The following ZDHHC4 variants were observed in gnomAD, a reference collection of about 807,000 sequenced individuals.
ZDHHC4 encodes palmitoyltransferase ZDHHC4.
Under a neutral mutation model 36.7 loss-of-function variants are expected in ZDHHC4, and 42 were observed. The observed-to-expected ratio is 1.14, with a 90% confidence interval of 0.89 to 1.48. The LOEUF is 1.48. Ranked by LOEUF, ZDHHC4 falls within the 40% of genes most tolerant of loss-of-function variation. ZDHHC4 has a pLI of 0.00. For synonymous variants in ZDHHC4, 189 were observed against 166.6 expected, an observed-to-expected ratio of 1.13 and a Z score of -1.03; for missense variants, 457 against 421.5, an observed-to-expected ratio of 1.08 and a Z score of -0.74.
chr7:6,587,196 C>T lies in ZDHHC4; in HGVS notation c.742-1421C>T, dbSNP rs564400032. Among the ~76,000 whole-genome samples, 16 of 152,176 alleles carry T rather than the reference C, an allele frequency of 1.1e-4. No individual in the cohort carries two copies. In the South Asian group the frequency reaches 1.2e-3, roughly 12 times the overall value. On this transcript the variant is annotated intron_variant, in intron 7 of 7. Coordinates refer to ENST00000335965, the MANE Select transcript of ZDHHC4 (RefSeq NM_001134389.2). ...TGCTGGGATTACAGGTGTGAGCCAC[C>T]ATGACTGGCCCAGAATCACTTTTGA...
intron 6 of ZDHHC4, chr7:6,583,788 A>T (rs1781036313): frequency 5.8e-6 from 1 of 173,526 alleles, no homozygotes; most frequent in African/African-American, 2.4e-5. Flanking sequence ...TAACAAAAAT[A>T]GAATGTGGCT....
intron 2 of ZDHHC4, among the ~76,000 whole-genome samples, chr7:6,579,886 A>G (rs2115152123): frequency 6.6e-6 from 1 of 152,240 alleles, no homozygotes; most frequent in South Asian, 2.1e-4. Context: ...CTGTACTCCC[A>G]GCACTTTGGG....
intron 2 of ZDHHC4, 28 bp from the exon 3 acceptor site, chr7:6,580,527 T>C (rs776251488): frequency 1.9e-6 from 3 of 1,578,938 alleles, no homozygotes; most frequent in Non-Finnish European, 1.7e-6. Flanking sequence ...CAGTAGCAGA[T>C]AGTCACACTC....
At chr7:6,584,978 A>G (rs549431599) in intron 6 of ZDHHC4, 38 bp from the exon 7 acceptor site, 10 of 1,610,188 alleles carry the variant, frequency 6.2e-6, no homozygotes, top group Non-Finnish European at 8.5e-6. Flanking sequence ...TGTCTCGTCA[A>G]GCACCATCCC....
Position 6,588,928 on chromosome 7 carries a change from T to C in ZDHHC4, c.*18T>C. The C allele has an allele frequency of 6.3e-7, 1 of 1,593,308 alleles. No individual in the cohort carries two copies. Among genetic ancestry groups the C allele is most frequent in the Non-Finnish European group, 8.6e-7 (1 of 1,163,660 alleles). Reference sequence around the variant, plus strand: ...AAGAATGACAAGTGTATGACTGCCTTTGAGCTGTAGTTCCCGTTTATTTAC... The same window carrying C: ...AAGAATGACAAGTGTATGACTGCCTCTGAGCTGTAGTTCCCGTTTATTTAC... On this transcript the variant is annotated 3_prime_UTR_variant, in exon 8 of 8. Transcript: ENST00000335965.
chr7:6,583,605 CTTGTG>C, intron 6 of ZDHHC4, 174 bp downstream of exon 6: 1 of 870,280 alleles, frequency 1.1e-6, no homozygotes, highest in Non-Finnish European at 1.7e-6. Context: ...AGGGTCAGGT[CTTGTG>C]TTCCTGTGTA....
Position 6,580,024 on chromosome 7 carries a change from A to G in ZDHHC4, c.-7-531A>G, listed in dbSNP as rs551623135. Among the ~76,000 whole-genome samples, 6 of 152,054 alleles carry G rather than the reference A, an allele frequency of 3.9e-5. No homozygotes were observed. The South Asian group carries it at 1.0e-3, about 26-fold the overall frequency. ...GGGGTGCGTGCCTATAATCCCAGCT[A>G]CTCAGGAGGCTGAGGCAGGAGAATT... On this transcript the variant is annotated intron_variant, in intron 2 of 7. Transcript: ENST00000335965.
chr7:6,578,007 A>G (rs1780559012), intron 1 of ZDHHC4, among the ~76,000 whole-genome samples: 1 of 151,768 alleles, frequency 6.6e-6, no homozygotes, highest in Non-Finnish European at 1.5e-5. Context: ...TTTTTTTTGT[A>G]TTTAGTAGAG....
At chr7:6,582,794 G>A (rs1204332423) in intron 5 of ZDHHC4, among the ~76,000 whole-genome samples, 1 of 152,136 alleles carries the variant, frequency 6.6e-6, no homozygotes, top group Non-Finnish European at 1.5e-5. Flanking sequence ...GAGACTACAG[G>A]CGTGAGCCAC....
chr7:6,586,599 C>T (rs1022418785), intron 7 of ZDHHC4, among the ~76,000 whole-genome samples: 2 of 152,128 alleles, frequency 1.3e-5, no homozygotes, highest in African/African-American at 4.8e-5. Flanking sequence ...CCTCAGTCTC[C>T]CGTGTAGCTG....
chr7:6,586,333 C>G (rs1343037969), intron 7 of ZDHHC4, among the ~76,000 whole-genome samples: 3 of 152,210 alleles, frequency 2.0e-5, no homozygotes, highest in South Asian at 4.1e-4. Context: ...CAGGTAATCA[C>G]TAATCTACTT....
chr7:6,580,827 G>A (rs562476952), intron 3 of ZDHHC4, 149 bp downstream of exon 3: 3 of 726,430 alleles, frequency 4.1e-6, no homozygotes, highest in African/African-American at 3.5e-5. Context: ...TGAGGCAGGA[G>A]GATCCCTTGA....
chr7:6,580,808 T>C, intron 3 of ZDHHC4, 130 bp downstream of exon 3: 1 of 838,470 alleles, frequency 1.2e-6, no homozygotes, highest in Non-Finnish European at 1.9e-6. Context: ...ATCCCGCTAC[T>C]CAGGAAGCTG....
rs370270228 is a variant in ZDHHC4 at position 6,588,947 on chromosome 7, T to G, written c.*37T>G. 3.2e-6 allele frequency: 5 copies of G among 1,578,880 alleles called. No individual in the cohort carries two copies. The African/African-American group carries it at 6.8e-5, about 21-fold the overall frequency. ...CTGCCTTTGAGCTGTAGTTCCCGTT[T>G]ATTTACACATGTGGATCCTCGTTTT... On this transcript the variant is annotated 3_prime_UTR_variant, in exon 8 of 8. Coordinates refer to ENST00000335965, the MANE Select transcript of ZDHHC4 (RefSeq NM_001134389.2).
At chr7:6,578,093 G>A (rs1158071465) in intron 1 of ZDHHC4, among the ~76,000 whole-genome samples, 2 of 152,086 alleles carry the variant, frequency 1.3e-5, no homozygotes, top group African/African-American at 4.8e-5. Context: ...GCCTCCCAAA[G>A]TGCTGGGATT....
At chr7:6,584,575 G>A (rs950828875) in intron 6 of ZDHHC4, among the ~76,000 whole-genome samples, 1 of 152,118 alleles carries the variant, frequency 6.6e-6, no homozygotes. Context: ...GAATTCAAAG[G>A]AGTATTGTAG....
At position 6,585,187 on chromosome 7, in the gene ZDHHC4, C is replaced by G. The variant is rs778983445; in HGVS notation, c.668C>G (p.Ser223Ter). The change falls in exon 7 of 8, where the codon TCA (serine) becomes TGA (stop). Residue 223 changes from serine (S) to a stop codon, truncating the protein, a stop_gained. Coordinates refer to ENST00000335965, the MANE Select transcript of ZDHHC4 (RefSeq NM_001134389.2). LOFTEE classifies it high-confidence loss of function. ...TTTCTGGTCCACTTGGTGGTGATGT[C>G]AGATTTATACCAGGAGACTTACATC... ...TTFLVHLVVM[S>*]DLYQETYIDD... The G allele has an allele frequency of 1.2e-6, 2 of 1,614,164 alleles. No homozygotes were observed. The highest frequency in any genetic ancestry group is 1.7e-6 in the Non-Finnish European group (2 of 1,180,042).
rs766768566 is a variant in ZDHHC4 at position 6,580,587 on chromosome 7, T to G, written c.26T>G (p.Phe9Cys). ...ATGGACTTTCTGGTCCTCTTCTTGTTCTACCTGGCTTCGGTGCTGATGGGT... is the reference window on the plus strand; with the variant it reads ...ATGGACTTTCTGGTCCTCTTCTTGTGCTACCTGGCTTCGGTGCTGATGGGT... MDFLVLFL[F>C]YLASVLMGLV... The change falls in exon 3 of 8, where the codon TTC becomes TGC. Residue 9 changes from phenylalanine to cysteine, a missense_variant. Physicochemically the swap from Phe to Cys is radical, Grantham distance 205. Transcript: ENST00000335965. 6.2e-7 allele frequency: 1 copy of G among 1,614,072 alleles called. No homozygotes were observed. The highest frequency in any genetic ancestry group is 8.5e-7 in the Non-Finnish European group (1 of 1,180,052).
chr7:6,588,876 C>G lies in ZDHHC4; in HGVS notation c.1001C>G (p.Ala334Gly). The G allele has an allele frequency of 6.2e-7, 1 of 1,609,982 alleles. No homozygotes were observed. Among genetic ancestry groups the G allele is most frequent in the Non-Finnish European group, 8.5e-7 (1 of 1,176,464 alleles). ...RSNLQEIFLP[A>G]FPCHERKKQE is the part of the protein sequence containing the mutation. ...AACCTTCAAGAGATCTTTCTACCTG[C>G]CTTTCCATGTCATGAGAGGAAGAAA... is the stretch of plus-strand genomic sequence containing the variant. Residue 334 changes from alanine (A) to glycine (G), a missense_variant, in exon 8 of 8, where the codon GCC (alanine) becomes GGC (glycine). Transcript: ENST00000335965.
Sources: gnomAD v4.1 joint callset for allele counts (sites outside exome capture counted in the v4.1 genomes callset) on GRCh38, gnomAD v4.1.1 for gene constraint, MANE v1.5 for transcripts, NCBI Gene and HGNC (gene_info 2026-07-23, HGNC 2026-07-21) for gene names.